PLCD4: variants seen among roughly 807,000 people sequenced by gnomAD.
PLCD4 encodes the protein phospholipase C delta 4, also known as 1-phosphatidylinositol 4,5-bisphosphate phosphodiesterase delta-4.
Under a neutral mutation model 90.2 loss-of-function variants are expected in PLCD4, and 63 were observed. The observed-to-expected ratio is 0.70, with a 90% confidence interval of 0.57 to 0.86. PLCD4 has a LOEUF of 0.86. Among genes scored for constraint, PLCD4 ranks in the 40% least tolerant of loss-of-function variants. The probability of loss-of-function intolerance (pLI) is 0.00; values close to 1 mark genes in which losing one functional copy is unlikely to be tolerated. For synonymous variants in PLCD4, 294 were observed against 356.5 expected, an observed-to-expected ratio of 0.82 and a Z score of 1.97; for missense variants, 830 against 956.3, an observed-to-expected ratio of 0.87 and a Z score of 1.74.
Position 218,628,248 on chromosome 2 carries a change from A to T in PLCD4, c.974+18A>T. 3.1e-6 allele frequency: 5 copies of T among 1,609,330 alleles called. No homozygotes were observed. Among genetic ancestry groups the T allele is most frequent in the Non-Finnish European group, 4.3e-6 (5 of 1,175,850 alleles). On this transcript the variant is annotated intron_variant, in intron 7 of 15. Transcript: ENST00000450993. ...TATATACGGTGCAGTGGTGGTAGAG[A>T]AGGGGTCCAACTCATGAGAGGGACC...
chr2:218,634,726 T>G lies in PLCD4; in HGVS notation c.1896+96T>G, dbSNP rs899384870. ...GCCTGACCGGAATGTAGAGGCCGGA[T>G]AGCCTATTAACAGTGTCTAGTTTTA... On this transcript the variant is annotated intron_variant, in intron 13 of 15. Coordinates refer to ENST00000450993, the MANE Select transcript of PLCD4 (RefSeq NM_032726.4). The surrounding 1 kb of genome is among the most constrained non-coding windows in gnomAD (Gnocchi z 4.0). The G allele has an allele frequency of 6.5e-6, 9 of 1,388,130 alleles. No individual in the cohort carries two copies. Among genetic ancestry groups the G allele is most frequent in the Middle Eastern group, 2.1e-4 (1 of 4,812 alleles). 86.0% of individuals were successfully genotyped at this position (1,388,130 alleles called of 1,614,324 possible). A position where few individuals can be genotyped will look rare whatever the true frequency, so the allele number is the denominator to read the frequency against.
intron 9 of PLCD4, 108 bp from the exon 10 acceptor site, chr2:218,632,028 C>T (rs893181404): frequency 6.4e-6 from 8 of 1,257,832 alleles, no homozygotes; most frequent in Admixed American, 6.0e-5. Context: ...CGGGAACTTC[C>T]GACCACTCAC....
At position 218,616,014 on chromosome 2, in the gene PLCD4, A is replaced by G; in HGVS notation, c.133A>G (p.Met45Val). 1 of 1,614,046 alleles carries G rather than the reference A, an allele frequency of 6.2e-7. No individual in the cohort carries two copies. The highest frequency in any genetic ancestry group is 8.5e-7 in the Non-Finnish European group (1 of 1,179,890). Residue 45 changes from methionine (M) to valine (V), a missense_variant, in exon 3 of 16, where the codon ATG becomes GTG. Met to Val is a conservative substitution (Grantham distance 21). Coordinates refer to ENST00000450993, the MANE Select transcript of PLCD4 (RefSeq NM_032726.4). ...LRYFRLQNDG[M>V]TVWHARQARG... ...ATACTTCAGACTTCAGAATGACGGC[A>G]TGACAGTCTGGCATGCACGGCAGGC... is the stretch of plus-strand genomic sequence containing the variant.
At chr2:218,612,053 CT>C (rs1344625663) in intron 1 of PLCD4, among the ~76,000 whole-genome samples, 1 of 151,924 alleles carries the variant, frequency 6.6e-6, no homozygotes, top group Non-Finnish European at 1.5e-5. Flanking sequence ...CTCAGCCTCC[CT>C]AGTAGCCACC....
chr2:218,636,108 C>T (rs1575047007), intron 14 of PLCD4, 135 bp from the exon 15 acceptor site: 1 of 1,370,640 alleles, frequency 7.3e-7, no homozygotes, highest in Non-Finnish European at 1.0e-6. Flanking sequence ...GGGCAAATTA[C>T]TTGCTTACTC....
In PLCD4 at chr2:218,630,046, G is replaced by A. The variant is rs984150962; in HGVS notation, c.1119+383G>A. ...TAGAAAATTAGCTGGGCGTGGTAGTGCATGCCTGTAATCCCAGCTACTTGG... is the reference window on the plus strand; with the variant it reads ...TAGAAAATTAGCTGGGCGTGGTAGTACATGCCTGTAATCCCAGCTACTTGG... On this transcript the variant is annotated intron_variant, in intron 8 of 15. Transcript: ENST00000450993. Among the ~76,000 whole-genome samples, 4 of 152,200 alleles carry A rather than the reference G, an allele frequency of 2.6e-5. No individual in the cohort carries two copies. The South Asian group carries it at 8.3e-4, about 32-fold the overall frequency.
intron 4 of PLCD4, among the ~76,000 whole-genome samples, chr2:218,621,004 C>T (rs986914026): frequency 6.6e-5 from 10 of 151,866 alleles, no homozygotes; most frequent in Admixed American, 3.3e-4. Flanking sequence ...ATCTCGGCTC[C>T]ATGCAACCTC....
intron 4 of PLCD4, 49 bp from the exon 5 acceptor site, chr2:218,621,421 T>C (rs1320785801): frequency 2.5e-6 from 4 of 1,609,362 alleles, no homozygotes; most frequent in African/African-American, 1.3e-5. Context: ...CACACACAAC[T>C]GCACACACAA....
chr2:218,616,957 G>T (rs1289231414), intron 3 of PLCD4, among the ~76,000 whole-genome samples: 42 of 85,564 alleles, frequency 4.9e-4, no homozygotes, highest in Non-Finnish European at 8.2e-4. Context: ...GAGAGAGAGA[G>T]AGAGAGAGAG....
At position 218,636,522 on chromosome 2, in the gene PLCD4, C is replaced by A. The variant is rs1326301770; in HGVS notation, c.2234C>A (p.Ala745Asp). The A allele has an allele frequency of 6.2e-7, 1 of 1,614,020 alleles. No homozygotes were observed. Among genetic ancestry groups the A allele is most frequent in the Non-Finnish European group, 8.5e-7 (1 of 1,179,892 alleles). The change falls in exon 16 of 16, where the codon GCT (alanine) becomes GAT (aspartate). Residue 745 changes from alanine (A) to aspartate (D), a missense_variant. Physicochemically the swap from Ala to Asp is moderately radical, Grantham distance 126. Transcript: ENST00000450993. The stretch of plus-strand genomic sequence containing the variant: ...AAAGATGGCATCAGCCTCCGCCCAG[C>A]TTCCATCTTTGTGTATATCTGCATC... ...LSKDGISLRPASIFVYICIQE... is the reference protein window; with the variant it reads ...LSKDGISLRPDSIFVYICIQE...
At chr2:218,630,830 C>A in intron 9 of PLCD4, 28 bp downstream of exon 9, 1 of 1,587,604 alleles carries the variant, frequency 6.3e-7, no homozygotes. Flanking sequence ...CCAGCCCAGG[C>A]TCTGCTGTGG....
At chr2:218,629,385 T>A in intron 7 of PLCD4, 134 bp from the exon 8 acceptor site, 1 of 1,020,488 alleles carries the variant, frequency 9.8e-7, no homozygotes, top group Non-Finnish European at 1.4e-6. Context: ...GAAGGCTCTA[T>A]GCAGATGTAG....
intron 11 of PLCD4, 112 bp downstream of exon 11, chr2:218,633,873 G>A: frequency 1.7e-6 from 2 of 1,158,520 alleles, no homozygotes; most frequent in East Asian, 2.5e-5. Context: ...GAGAGATGAA[G>A]GAGTTCAGAA....
intron 3 of PLCD4, among the ~76,000 whole-genome samples, chr2:218,616,936 A>ATATATATATG (rs1695628906): frequency 4.4e-5 from 1 of 22,880 alleles, no homozygotes; most frequent in Non-Finnish European, 8.0e-5. Flanking sequence ...ATAGAGAGAG[A>ATATATATATG]GAGAGAGAGA....
At chr2:218,627,362 GC>G (rs1259824703) in intron 6 of PLCD4, among the ~76,000 whole-genome samples, 1 of 151,732 alleles carries the variant, frequency 6.6e-6, no homozygotes, top group East Asian at 1.9e-4. Flanking sequence ...GTGCTCAGTA[GC>G]CACATGTGGC....
At chr2:218,618,176 C>T (rs541413614) in intron 3 of PLCD4, among the ~76,000 whole-genome samples, 32 of 152,340 alleles carry the variant, frequency 2.1e-4, no homozygotes, top group African/African-American at 7.5e-4. Context: ...ACTGCTTCTG[C>T]CTTTCAAATG....
intron 9 of PLCD4, among the ~76,000 whole-genome samples, chr2:218,631,053 T>C (rs970135478): frequency 3.3e-5 from 5 of 152,220 alleles, no homozygotes; most frequent in African/African-American, 1.2e-4. Context: ...TGGAAGTATC[T>C]TGATTTTTTT....
chr2:218,632,406 G>A, intron 10 of PLCD4, 94 bp downstream of exon 10: 2 of 1,303,570 alleles, frequency 1.5e-6, no homozygotes, highest in Non-Finnish European at 1.0e-6. Context: ...AAGATGCAGG[G>A]CCAAGGAGCA....
At chr2:218,612,601 G>A (rs1695391120) in intron 1 of PLCD4, among the ~76,000 whole-genome samples, 1 of 152,076 alleles carries the variant, frequency 6.6e-6, no homozygotes, top group Admixed American at 6.6e-5. Flanking sequence ...GCAAAACTCC[G>A]TCTCTACTCA....
Sources: allele counts gnomAD v4.1 joint callset (sites outside exome capture counted in the v4.1 genomes callset), GRCh38; gene constraint gnomAD v4.1.1; non-coding constraint Gnocchi (gnomAD v3.1); transcripts MANE v1.5; gene names NCBI Gene and HGNC (gene_info 2026-07-23, HGNC 2026-07-21).